Variants in ZNF7 observed in about 807,000 individuals in gnomAD.
The protein encoded by ZNF7 is zinc finger protein 7.
In ZNF7, 10 loss-of-function variants were observed where a neutral mutation model predicts 12.0. The observed-to-expected ratio is 0.83, with a 90% CI of 0.51 to 1.42. The LOEUF (loss-of-function observed/expected upper bound fraction) is 1.42. ZNF7 is among the 40% of genes most tolerant of loss of function. ZNF7 has a pLI of 0.00. For missense variants in ZNF7, 854 were observed against 837.2 expected, an observed-to-expected ratio of 1.02 and a Z score of -0.25; for synonymous variants, 334 against 295.0, an observed-to-expected ratio of 1.13 and a Z score of -1.35.
chr8:144,830,479 A>G (rs188461565), intron 3 of ZNF7, among the ~76,000 whole-genome samples: 255 of 152,294 alleles, frequency 1.7e-3, no homozygotes, highest in Non-Finnish European at 5.0e-4. Flanking sequence ...GCATTTGCCC[A>G]TATTCTAGGT....
At chr8:144,831,548 C>T (rs1214177113) in intron 3 of ZNF7, among the ~76,000 whole-genome samples, 2 of 152,176 alleles carry the variant, frequency 1.3e-5, no homozygotes, top group African/African-American at 2.4e-5. Context: ...CTTTGGGAGG[C>T]TGAGGCGGGT....
intron 3 of ZNF7, among the ~76,000 whole-genome samples, chr8:144,833,144 G>A (rs1828629810): frequency 6.7e-6 from 1 of 148,638 alleles, no homozygotes. Context: ...GTTGCAGTGA[G>A]CTGAGATCGT....
intron 3 of ZNF7, 31 bp downstream of exon 3, chr8:144,829,635 G>A: frequency 6.3e-7 from 1 of 1,584,382 alleles, no homozygotes; most frequent in African/African-American, 1.3e-5. Flanking sequence ...CCCTTCCCCT[G>A]CATCATCAGT....
At chr8:144,837,942 G>T in intron 4 of ZNF7, 1 of 639,582 alleles carries the variant, frequency 1.6e-6, no homozygotes, top group East Asian at 2.7e-5. Context: ...TTACTTTCCT[G>T]TGGCTGCCAT....
chr8:144,831,932 C>T lies in ZNF7; in HGVS notation c.130+2328C>T, dbSNP rs1563826954. On this transcript the variant is annotated intron_variant, in intron 3 of 4. Coordinates refer to ENST00000532777, the MANE Select transcript of ZNF7 (RefSeq NM_003416.4). The stretch of plus-strand genomic sequence containing the variant: ...GGGGAGAGCGAGGAGGGAGGATTGC[C>T]TGAGCCTGGAAGGTCAAGGTTGGAG... Among the ~76,000 whole-genome samples, 3 of 100,566 alleles carry T rather than the reference C, an allele frequency of 3.0e-5. 1 individual carries two copies. Among genetic ancestry groups the T allele is most frequent in the Non-Finnish European group, 5.0e-5 (2 of 40,042 alleles). The allele number at this position is 100,566 out of a possible 152,430, so 66.0% of individuals were successfully genotyped here. A position where few individuals can be genotyped will look rare whatever the true frequency, so the allele number is the denominator to read the frequency against.
At chr8:144,837,553 A>G (rs778211725) in intron 4 of ZNF7, 46 bp downstream of exon 4, 1 of 1,452,258 alleles carries the variant, frequency 6.9e-7, no homozygotes, top group Non-Finnish European at 9.5e-7. Flanking sequence ...GTGAGGAGAA[A>G]CTGCAGGAGG....
At chr8:144,829,194 G>T in intron 2 of ZNF7, 104 bp downstream of exon 2, 1 of 1,584,360 alleles carries the variant, frequency 6.3e-7, no homozygotes, top group African/African-American at 1.4e-5. Flanking sequence ...CCCTTGCTGG[G>T]CTTAGGAAGG....
At position 144,838,294 on chromosome 8, in the gene ZNF7, C is replaced by T. The variant is rs568673197; in HGVS notation, c.247+787C>T. 22 of 585,886 alleles carry T rather than the reference C, an allele frequency of 3.8e-5. No homozygotes were observed. The Admixed American group carries it at 5.1e-4, about 14-fold the overall frequency. The allele number at this position is 585,886 out of a possible 1,614,324, so 36.3% of individuals were successfully genotyped here. ...GACCTCATGGTGACTAATTAATCTG[C>T]AACGACTGTGTTTCCAAACAAGGTC... On this transcript the variant is annotated intron_variant, in intron 4 of 4. Coordinates refer to ENST00000532777, the MANE Select transcript of ZNF7 (RefSeq NM_003416.4).
downstream of ZNF7, among the ~76,000 whole-genome samples, chr8:144,845,419 A>C (rs2130754468): frequency 6.6e-6 from 1 of 152,178 alleles, no homozygotes; most frequent in Non-Finnish European, 1.5e-5. Context: ...AACCTTGAGA[A>C]GTGGCCCAGG....
Position 144,827,616 on chromosome 8 carries a change from C to T in ZNF7, c.-46+7C>T, listed in dbSNP as rs9657507. ...CGGGTGGTCCTCAGGGAGGGTGAGTCGGCGCGGCGGGCGCGGACTCGGGTT... is the reference window on the plus strand; with the variant it reads ...CGGGTGGTCCTCAGGGAGGGTGAGTTGGCGCGGCGGGCGCGGACTCGGGTT... On this transcript the variant is annotated splice_region_variant and intron_variant, in intron 1 of 4. Coordinates refer to ENST00000532777, the MANE Select transcript of ZNF7 (RefSeq NM_003416.4). The T allele has an allele frequency of 2.1e-3, 2,086 of 985,476 alleles. 32 individuals are homozygous for T. In the African/African-American group the frequency reaches 0.033, roughly 16 times the overall value. 61.0% of individuals were successfully genotyped at this position (985,476 alleles called of 1,614,324 possible).
chr8:144,830,499 C>T (rs887871343), intron 3 of ZNF7, among the ~76,000 whole-genome samples: 2 of 152,170 alleles, frequency 1.3e-5, no homozygotes, highest in African/African-American at 4.8e-5. Context: ...TCCGCTGTGT[C>T]TTATTGCTTT....
At position 144,841,465 on chromosome 8, in the gene ZNF7, C is replaced by G; in HGVS notation, c.358C>G (p.Pro120Ala). Residue 120 changes from proline to alanine, a missense_variant, in exon 5 of 5, where the codon CCT becomes GCT. By Grantham distance (27) the Pro-to-Ala change is conservative. Transcript: ENST00000532777. ...RISPQDFPQN[P>A]GFGDVSDSEV... ...CTCCCCACAGGACTTTCCTCAGAATCCTGGCTTTGGAGACGTTTCTGATTC... is the reference window on the plus strand; with the variant it reads ...CTCCCCACAGGACTTTCCTCAGAATGCTGGCTTTGGAGACGTTTCTGATTC... The G allele has an allele frequency of 6.2e-7, 1 of 1,614,234 alleles. No homozygotes were observed. Among genetic ancestry groups the G allele is most frequent in the Non-Finnish European group, 8.5e-7 (1 of 1,180,048 alleles).
chr8:144,839,063 T>TAGGGGCTGTGACCTTACTTCCATTCATAC (rs1829493253), intron 4 of ZNF7, among the ~76,000 whole-genome samples: 1 of 88,492 alleles, frequency 1.1e-5, no homozygotes. Flanking sequence ...TCCATTCATA[T>TAGGGGCTGTGACCTTACTTCCATTCATAC]GCGCCTAGGG....
intron 1 of ZNF7, 124 bp downstream of exon 1, chr8:144,827,733 G>C (rs1342703574): frequency 3.1e-6 from 3 of 965,798 alleles, no homozygotes; most frequent in Admixed American, 6.2e-5. Flanking sequence ...AGGCGGGAAA[G>C]CGCGGGGGCT....
chr8:144,833,196 CAAAAAAAAAAAA>C (rs11417590), intron 3 of ZNF7, among the ~76,000 whole-genome samples: 1 of 109,086 alleles, frequency 9.2e-6, no homozygotes, highest in South Asian at 3.0e-4. Context: ...GACTTTGTCT[CAAAAAAAAAAAA>C]AAAAAAAGAC....
chr8:144,828,836 C>T, intron 1 of ZNF7: 1 of 627,356 alleles, frequency 1.6e-6, no homozygotes, highest in Non-Finnish European at 2.7e-6. Context: ...GTCACACATG[C>T]CACACACACA....
chr8:144,835,240 G>A (rs990941925), intron 3 of ZNF7: 1 of 146,986 alleles, frequency 6.8e-6, no homozygotes. Flanking sequence ...GTTTTGCTCT[G>A]TTGTCCAGCC....
At chr8:144,846,765 C>G (rs1830531880), downstream of ZNF7, 1 of 152,332 alleles carries the variant, frequency 6.6e-6, no homozygotes, top group Admixed American at 6.5e-5. Context: ...GTGGTGCGGT[C>G]TCGGCTCACT....
intron 2 of ZNF7, 47 bp from the exon 3 acceptor site, chr8:144,829,431 G>A: frequency 6.2e-7 from 1 of 1,611,698 alleles, no homozygotes; most frequent in Non-Finnish European, 8.5e-7. Flanking sequence ...CGCCAGAAGG[G>A]GGCTGGCACC....
Sources: gnomAD v4.1 joint callset for allele counts (sites outside exome capture counted in the v4.1 genomes callset) on GRCh38, gnomAD v4.1.1 for gene constraint, MANE v1.5 for transcripts, NCBI Gene and HGNC (gene_info 2026-07-23, HGNC 2026-07-21) for gene names.